SIGLEC5: variants seen among roughly 807,000 people sequenced by gnomAD.
SIGLEC5 encodes the protein sialic acid binding Ig like lectin 5, also known as sialic acid-binding Ig-like lectin 5.
A neutral mutation model predicts 45.9 loss-of-function variants in SIGLEC5; 34 were observed. That is an observed-to-expected ratio of 0.74 (90% CI 0.56 to 0.99). The LOEUF is 0.99. Ranked by LOEUF, SIGLEC5 falls within the 50% of genes least tolerant of loss-of-function variation. The pLI is 0.00. For synonymous variants in SIGLEC5, 203 were observed against 258.6 expected (o/e 0.79, Z 2.06); for missense variants, 508 against 629.6 (o/e 0.81, Z 2.07).
At chr19:51,615,104 G>T (rs1983006349) in intron 8 of SIGLEC5, among the ~76,000 whole-genome samples, 1 of 152,182 alleles carries the variant, frequency 6.6e-6, no homozygotes, top group Non-Finnish European at 1.5e-5. Context: ...GCATGAAAGT[G>T]TGCAGAATGG....
At chr19:51,618,424 G>A (rs1453377130) in intron 8 of SIGLEC5, among the ~76,000 whole-genome samples, 18 of 125,026 alleles carry the variant, frequency 1.4e-4, no homozygotes, top group African/African-American at 5.0e-4. Flanking sequence ...CAGCCCGCAT[G>A]AGTGAGTGAG....
intron 8 of SIGLEC5, among the ~76,000 whole-genome samples, chr19:51,623,943 A>C (rs1017070027): frequency 1.3e-5 from 2 of 152,074 alleles, no homozygotes; most frequent in Non-Finnish European, 2.9e-5. Context: ...TTGGGAGGTC[A>C]AGGTGGGTGG....
intron 1 of SIGLEC5, 27 bp from the exon 2 acceptor site, chr19:51,630,243 A>C: frequency 1.6e-6 from 1 of 638,884 alleles, no homozygotes; most frequent in Non-Finnish European, 2.4e-6. Flanking sequence ...GCTCAGCTGC[A>C]GCTCCAGCCC....
chr19:51,623,285 A>G (rs1456507358), intron 8 of SIGLEC5, among the ~76,000 whole-genome samples: 1 of 152,224 alleles, frequency 6.6e-6, no homozygotes, highest in Non-Finnish European at 1.5e-5. Context: ...AAGGTACTCA[A>G]TAGAAAAGAG....
rs1173755677 is a variant in SIGLEC5, at chr19:51,629,437, A to G, written c.621T>C (p.His207=). 2 of 1,613,136 alleles carry G rather than the reference A, an allele frequency of 1.2e-6. No homozygotes were observed. Among genetic ancestry groups the G allele is most frequent in the South Asian group, 1.1e-5 (1 of 90,986 alleles). Residue 207 remains histidine, a synonymous_variant, in exon 3 of 9, where the codon CAT becomes CAC. Coordinates refer to ENST00000683636, the MANE Select transcript of SIGLEC5 (RefSeq NM_003830.4). ...ELTLTPRPED[H]GTNLTCQMKR... ...TCATCTGACAGGTGAGGTTGGTGCC[A>G]TGGTCCTCGGGCCTGGGGGTGAGGG... is the stretch of plus-strand genomic sequence containing the variant.
At chr19:51,616,000 T>G (rs2122615951) in intron 8 of SIGLEC5, among the ~76,000 whole-genome samples, 1 of 152,312 alleles carries the variant, frequency 6.6e-6, no homozygotes, top group Middle Eastern at 3.4e-3. Context: ...GGCCTCAAAC[T>G]CCCGACCTCA....
intron 8 of SIGLEC5, chr19:51,621,494 G>A (rs1983278461): frequency 6.6e-6 from 1 of 152,202 alleles, no homozygotes; most frequent in African/African-American, 2.4e-5. Flanking sequence ...AAATACATCT[G>A]CAGAGTATAC....
In SIGLEC5 at chr19:51,627,841, T is replaced by C; in HGVS notation, c.990A>G (p.Ser330=). 1.2e-6 allele frequency: 2 copies of C among 1,603,516 alleles called. No homozygotes were observed. Among genetic ancestry groups the C allele is most frequent in the East Asian group, 2.2e-5 (1 of 44,812 alleles). Residue 330 remains serine, a synonymous_variant, in exon 5 of 9, where the codon TCA becomes TCG. Transcript: ENST00000683636. The part of the protein sequence containing the change: ...LGFLQIFLNL[S]VYSLPQLLGP... ...AGCTGCCCCCACACTCACAGTAAAC[T>C]GAGAGATTCAGAAAAATTTGCAGGA...
intron 8 of SIGLEC5, among the ~76,000 whole-genome samples, chr19:51,624,082 C>A (rs1983389659): frequency 6.6e-6 from 1 of 151,964 alleles, no homozygotes; most frequent in Admixed American, 6.6e-5. Context: ...TTGCTTGAAC[C>A]CGGGAGGTGG....
chr19:51,622,598 A>G (rs1355604287), intron 8 of SIGLEC5, among the ~76,000 whole-genome samples: 2 of 152,202 alleles, frequency 1.3e-5, no homozygotes, highest in Non-Finnish European at 2.9e-5. Context: ...AAAATTGACT[A>G]TTGGAGTAGA....
intron 8 of SIGLEC5, among the ~76,000 whole-genome samples, chr19:51,622,748 A>C (rs1053796832): frequency 5.3e-5 from 8 of 152,238 alleles, no homozygotes; most frequent in African/African-American, 1.7e-4. Context: ...TACACCATAC[A>C]CAAAAGTCAA....
At chr19:51,628,960 T>C in intron 4 of SIGLEC5, 78 bp downstream of exon 4, 7 of 1,390,416 alleles carry the variant, frequency 5.0e-6, no homozygotes, top group Non-Finnish European at 7.0e-6. Flanking sequence ...CTGATTGCAT[T>C]CAAGCTCTGA....
At chr19:51,616,477 G>T (rs1212979699) in intron 8 of SIGLEC5, among the ~76,000 whole-genome samples, 1 of 152,200 alleles carries the variant, frequency 6.6e-6, no homozygotes, top group African/African-American at 2.4e-5. Flanking sequence ...AGAGCCCAAT[G>T]GATGGGATGG....
chr19:51,618,360 C>T (rs1446038316), intron 8 of SIGLEC5, among the ~76,000 whole-genome samples: 1 of 136,196 alleles, frequency 7.3e-6, no homozygotes, highest in Non-Finnish European at 1.5e-5. Context: ...AGGCATCTAA[C>T]TAATCAATAA....
rs972877435 is a variant in SIGLEC5, at chr19:51,611,834, C to T, written c.*397G>A. 1 of 153,300 alleles carries T rather than the reference C, an allele frequency of 6.5e-6. No homozygotes were observed. The highest frequency in any genetic ancestry group is 2.4e-5 in the African/African-American group (1 of 41,462). 9.5% of individuals were successfully genotyped at this position (153,300 alleles called of 1,614,324 possible). A position where few individuals can be genotyped will look rare whatever the true frequency, so the allele number is the denominator to read the frequency against. On this transcript the variant is annotated 3_prime_UTR_variant, in exon 9 of 9. Coordinates refer to ENST00000683636, the MANE Select transcript of SIGLEC5 (RefSeq NM_003830.4). Reference sequence around the variant, plus strand: ...GCCCTGTTTTTTGTGCCTGGTCATCCCCAGCCTTGAGAGAACTTGCCAGCA... The same window carrying T: ...GCCCTGTTTTTTGTGCCTGGTCATCTCCAGCCTTGAGAGAACTTGCCAGCA...
In SIGLEC5 at chr19:51,627,266, G is replaced by C. The variant is rs376109543; in HGVS notation, c.1283-18C>G. 6.2e-7 allele frequency: 1 copy of C among 1,607,440 alleles called. No individual in the cohort carries two copies. Among genetic ancestry groups the C allele is most frequent in the Admixed American group, 1.7e-5 (1 of 59,940 alleles). On this transcript the variant is annotated intron_variant, in intron 6 of 8. Transcript: ENST00000683636. The stretch of plus-strand genomic sequence containing the variant: ...CGATCTCCCTGCAGAAAAGAGGGGC[G>C]TGCAATAACTCACTCCCAGGACTCA...
intron 8 of SIGLEC5, 33 bp from the exon 9 acceptor site, chr19:51,612,455 G>A (rs775115431): frequency 2.1e-6 from 3 of 1,443,132 alleles, no homozygotes; most frequent in Admixed American, 4.1e-5. Flanking sequence ...TGTCACAGTA[G>A]GAATAAAGAG....
At chr19:51,627,306 C>T (rs572958944) in intron 6 of SIGLEC5, 58 bp from the exon 7 acceptor site, 7 of 1,571,910 alleles carry the variant, frequency 4.5e-6, no homozygotes, top group Admixed American at 3.4e-5. Flanking sequence ...CTTGTCCTCC[C>T]ACCTGCTGGG....
intron 8 of SIGLEC5, among the ~76,000 whole-genome samples, chr19:51,617,704 A>T (rs1405596974): frequency 6.6e-6 from 1 of 152,184 alleles, no homozygotes; most frequent in Non-Finnish European, 1.5e-5. Context: ...GAAGAATTCA[A>T]ATAAAAAGAG....
Sources: gnomAD v4.1 joint callset for allele counts (sites outside exome capture counted in the v4.1 genomes callset) on GRCh38, gnomAD v4.1.1 for gene constraint, MANE v1.5 for transcripts, NCBI Gene and HGNC (gene_info 2026-07-23, HGNC 2026-07-21) for gene names.